ASTN2: variants seen among roughly 807,000 people sequenced by gnomAD.
ASTN2 encodes astrotactin 2.
ASTN2 carries 54 observed loss-of-function variants against 139.8 expected under a neutral mutation model. That is an observed-to-expected ratio of 0.39 (90% CI 0.31 to 0.48). The LOEUF (loss-of-function observed/expected upper bound fraction) is 0.48. ASTN2 is among the 20% of genes least tolerant of loss of function. ASTN2 has a pLI of 0.95. For missense variants in ASTN2, 1,565 were observed against 1,725.1 expected (o/e 0.91, Z 1.64); for synonymous variants, 756 against 719.5 (o/e 1.05, Z -0.81).
intron 20 of ASTN2, among the ~76,000 whole-genome samples, chr9:116,486,911 A>G (rs1264026707): frequency 6.6e-6 from 1 of 152,154 alleles, no homozygotes; most frequent in African/African-American, 2.4e-5. Flanking sequence ...TTGTATATAT[A>G]TATCAGCATA....
At chr9:117,030,322 C>T (rs183904989) in intron 6 of ASTN2, among the ~76,000 whole-genome samples, 1 of 152,316 alleles carries the variant, frequency 6.6e-6, no homozygotes, top group Admixed American at 6.5e-5. Context: ...CTGTTCACAA[C>T]AACAGAACGG....
At chr9:117,186,420 G>T (rs919190637) in intron 3 of ASTN2, among the ~76,000 whole-genome samples, 1 of 151,966 alleles carries the variant, frequency 6.6e-6, no homozygotes, top group South Asian at 2.1e-4. Context: ...GGTGGCGGGC[G>T]CCTGTAGTCC....
intron 20 of ASTN2, among the ~76,000 whole-genome samples, chr9:116,482,321 G>C (rs188003599): frequency 1.3e-5 from 2 of 151,966 alleles, no homozygotes; most frequent in Non-Finnish European, 2.9e-5. Context: ...GCAAGACTCC[G>C]TCTCAAAACA....
chr9:116,677,065 G>C lies in ASTN2; in HGVS notation c.2807-25272C>G, dbSNP rs146887485. ...ATGATTTTTTTTAAAGAGCACTATG[G>C]TTAAAAGTCAGCTTAATTAAAAGTG... is the stretch of plus-strand genomic sequence containing the variant. On this transcript the variant is annotated intron_variant, in intron 16 of 22. Coordinates refer to ENST00000313400, the MANE Select transcript of ASTN2 (RefSeq NM_001365068.1). Among the ~76,000 whole-genome samples the C allele has an allele frequency of 2.0e-5, 3 of 152,312 alleles. No homozygotes were observed. The East Asian group carries it at 5.8e-4, about 29-fold the overall frequency.
intron 14 of ASTN2, among the ~76,000 whole-genome samples, chr9:116,731,786 C>G (rs1226546511): frequency 6.6e-6 from 1 of 152,150 alleles, no homozygotes; most frequent in Non-Finnish European, 1.5e-5. Context: ...AAGGACATAC[C>G]AGGATCAATG....
intron 19 of ASTN2, among the ~76,000 whole-genome samples, chr9:116,537,060 C>T (rs1030003475): frequency 1.3e-4 from 20 of 152,194 alleles, no homozygotes; most frequent in African/African-American, 4.1e-4. Flanking sequence ...CAATGGTGGG[C>T]GCCCCTCCCC....
At chr9:117,241,445 C>T (rs754949121) in intron 2 of ASTN2, among the ~76,000 whole-genome samples, 5 of 152,106 alleles carry the variant, frequency 3.3e-5, no homozygotes, top group African/African-American at 7.2e-5. Context: ...TGGCACCAGG[C>T]ACTGGTTTCG....
intron 16 of ASTN2, among the ~76,000 whole-genome samples, chr9:116,655,835 C>T (rs149047565): frequency 0.018 from 2,803 of 152,152 alleles, 88 homozygotes; most frequent in African/African-American, 0.064. Flanking sequence ...GGACCACAGA[C>T]ACATGCCACC....
At chr9:117,393,771 G>A (rs7869725) in intron 1 of ASTN2, among the ~76,000 whole-genome samples, 1 of 152,144 alleles carries the variant, frequency 6.6e-6, no homozygotes, top group Non-Finnish European at 1.5e-5. Flanking sequence ...GAATGGGCAG[G>A]CTCTGGGGCT....
chr9:117,246,260 A>C (rs144554504), intron 2 of ASTN2, among the ~76,000 whole-genome samples: 2,426 of 152,320 alleles, frequency 0.016, 30 homozygotes, highest in Non-Finnish European at 0.028. Context: ...AGAGATTCAC[A>C]CTTGCTCAAT....
intron 13 of ASTN2, among the ~76,000 whole-genome samples, chr9:116,762,912 GAC>G (rs1165453448): frequency 3.3e-5 from 5 of 152,192 alleles, no homozygotes; most frequent in African/African-American, 1.2e-4. Context: ...GCAACCCTAT[GAC>G]ATTGGGATTT....
At chr9:116,504,424 G>C (rs1850018945) in intron 19 of ASTN2, 1 of 151,966 alleles carries the variant, frequency 6.6e-6, no homozygotes, top group African/African-American at 2.4e-5. Context: ...TACTTTCTGA[G>C]GTCTAAGAAG....
At chr9:116,820,136 C>T (rs1547663) in intron 12 of ASTN2, among the ~76,000 whole-genome samples, 117,035 of 152,216 alleles carry the variant, frequency 0.77, 45,371 homozygotes, top group African/African-American at 0.85. Flanking sequence ...CTTACAGATA[C>T]GGACATTAGG....
chr9:116,530,731 C>A (rs748223152), intron 19 of ASTN2, among the ~76,000 whole-genome samples: 17 of 152,154 alleles, frequency 1.1e-4, no homozygotes, highest in Non-Finnish European at 2.4e-4. Context: ...ATGAGAATAA[C>A]CTTTTCCTCT....
intron 5 of ASTN2, among the ~76,000 whole-genome samples, chr9:117,086,231 C>A (rs556708307): frequency 6.6e-6 from 1 of 152,140 alleles, no homozygotes; most frequent in Non-Finnish European, 1.5e-5. Context: ...AACTGAGGCC[C>A]AAAGCCTTGC....
intron 4 of ASTN2, among the ~76,000 whole-genome samples, chr9:117,127,715 C>G (rs1291383566): frequency 9.1e-6 from 1 of 109,698 alleles, no homozygotes; most frequent in Non-Finnish European, 1.7e-5. Context: ...GAGTCTCACT[C>G]TGTTGCCCAG....
intron 13 of ASTN2, among the ~76,000 whole-genome samples, chr9:116,784,423 T>C (rs1830306184): frequency 6.6e-6 from 1 of 152,204 alleles, no homozygotes; most frequent in East Asian, 1.9e-4. Flanking sequence ...AAATAGCAAA[T>C]ATTGTCATCA....
At chr9:117,396,388 A>C (rs1239776398) in intron 1 of ASTN2, among the ~76,000 whole-genome samples, 1 of 152,180 alleles carries the variant, frequency 6.6e-6, no homozygotes, top group Admixed American at 6.5e-5. Context: ...CCTCTCCAGC[A>C]CTCAGGACTT....
chr9:117,174,025 T>C (rs1830857360), intron 3 of ASTN2, among the ~76,000 whole-genome samples: 1 of 151,214 alleles, frequency 6.6e-6, no homozygotes, highest in South Asian at 2.1e-4. Context: ...ACCAACAAGA[T>C]TGACAGACAA....
Sources: allele counts gnomAD v4.1 joint callset (sites outside exome capture counted in the v4.1 genomes callset), GRCh38; gene constraint gnomAD v4.1.1; transcripts MANE v1.5; gene names NCBI Gene and HGNC (gene_info 2026-07-23, HGNC 2026-07-21).